Variants in NPHP4 observed in about 807,000 individuals in gnomAD.
NPHP4 encodes the protein nephrocystin-4.
In NPHP4, 151 loss-of-function variants were observed where a neutral mutation model predicts 155.8. That is an observed-to-expected ratio of 0.97 (90% confidence interval 0.85 to 1.11). The LOEUF (loss-of-function observed/expected upper bound fraction) is 1.11, where lower values mean the gene tolerates loss of function less well. NPHP4 is among the 50% of genes least tolerant of loss of function. The pLI is 0.00. For synonymous variants in NPHP4, 845 were observed against 816.8 expected, an observed-to-expected ratio of 1.03 and a Z score of -0.59; for missense variants, 1,956 against 1,925.7, an observed-to-expected ratio of 1.02 and a Z score of -0.29.
In NPHP4 at chr1:5,880,256, C is replaced by T; in HGVS notation, c.2486-17G>A. On this transcript the variant is annotated splice_polypyrimidine_tract_variant and intron_variant, in intron 18 of 29. Coordinates refer to ENST00000378156, the MANE Select transcript of NPHP4 (RefSeq NM_015102.5). ...ACGGGTGACCTACATGAAAAACATC[C>T]CAACATAAGACATGAACCCCAAATG... 4.3e-6 allele frequency: 7 copies of T among 1,612,604 alleles called. No homozygotes were observed. The highest frequency in any genetic ancestry group is 5.1e-6 in the Non-Finnish European group (6 of 1,179,156).
Position 5,863,425 on chromosome 1 carries a change from T to C in NPHP4, c.4141-20A>G. On this transcript the variant is annotated intron_variant, in intron 29 of 29. Coordinates refer to ENST00000378156, the MANE Select transcript of NPHP4 (RefSeq NM_015102.5). ...CCCGACCTGGAAATAAGCATCCAAA[T>C]CCCAGCATCCACCCCCGGGCTGTCC... 6.2e-7 allele frequency: 1 copy of C among 1,611,066 alleles called. No homozygotes were observed. The highest frequency in any genetic ancestry group is 8.5e-7 in the Non-Finnish European group (1 of 1,177,408).
intron 22 of NPHP4, chr1:5,873,653 A>G: frequency 6.6e-6 from 3 of 451,656 alleles, no homozygotes; most frequent in Non-Finnish European, 1.2e-5. Context: ...GGACATCTCA[A>G]GTCCACCTTA....
intron 2 of NPHP4, among the ~76,000 whole-genome samples, chr1:5,983,073 G>A (rs1450019783): frequency 1.3e-5 from 2 of 152,200 alleles, no homozygotes; most frequent in Non-Finnish European, 2.9e-5. Context: ...TTTCTTGGGA[G>A]TAGCGTTAAG....
At chr1:5,868,776 C>T (rs1641578709) in intron 23 of NPHP4, among the ~76,000 whole-genome samples, 1 of 135,630 alleles carries the variant, frequency 7.4e-6, no homozygotes, top group South Asian at 2.3e-4. Flanking sequence ...CACCCACATG[C>T]ACACACGCAC....
intron 3 of NPHP4, among the ~76,000 whole-genome samples, chr1:5,972,105 C>T (rs376209995): frequency 6.6e-6 from 1 of 152,360 alleles, no homozygotes; most frequent in East Asian, 1.9e-4. Flanking sequence ...CCCCATGGCA[C>T]GGCCACATGA....
At chr1:5,864,602 C>T (rs1219297967) in intron 27 of NPHP4, 85 bp from the exon 28 acceptor site, 2 of 1,290,734 alleles carry the variant, frequency 1.5e-6, no homozygotes, top group Non-Finnish European at 2.1e-6. Context: ...GCCCAATCAG[C>T]CAGGGGAGCC....
At chr1:5,939,823 G>A (rs1234121535) in intron 9 of NPHP4, among the ~76,000 whole-genome samples, 1 of 152,214 alleles carries the variant, frequency 6.6e-6, no homozygotes, top group Admixed American at 6.5e-5. Context: ...TTGGATTTAA[G>A]GAACTTGGGA....
intron 16 of NPHP4, among the ~76,000 whole-genome samples, chr1:5,902,506 A>C (rs1414520098): frequency 6.6e-6 from 1 of 152,176 alleles, no homozygotes; most frequent in Non-Finnish European, 1.5e-5. Flanking sequence ...AAGAAACAAG[A>C]AGCATGCCCT....
intron 10 of NPHP4, among the ~76,000 whole-genome samples, chr1:5,928,274 G>A (rs1465929837): frequency 2.6e-5 from 4 of 152,162 alleles, no homozygotes; most frequent in Admixed American, 6.5e-5. Flanking sequence ...TCGTCTTTTT[G>A]AGAATGTCAA....
intron 9 of NPHP4, among the ~76,000 whole-genome samples, chr1:5,946,414 C>T (rs1457761649): frequency 6.6e-6 from 1 of 152,186 alleles, no homozygotes; most frequent in Non-Finnish European, 1.5e-5. Context: ...CTTTACCACA[C>T]TACTGTCATA....
At chr1:5,964,935 A>AAATTTTTTT (rs1651129893) in intron 5 of NPHP4, among the ~76,000 whole-genome samples, 1 of 31,970 alleles carries the variant, frequency 3.1e-5, no homozygotes, top group Non-Finnish European at 5.3e-5. Flanking sequence ...ATATATATAT[A>AAATTTTTTT]TATATATTTT....
rs1373859617 is a variant in NPHP4 at position 5,894,378 on chromosome 1, A to G, written c.2144-3350T>C. 6.6e-5 allele frequency among the ~76,000 whole-genome samples: 10 copies of G among 151,864 alleles called. 1 individual carries two copies. The highest frequency in any genetic ancestry group is 5.2e-4 in the Admixed American group (8 of 15,240). On this transcript the variant is annotated intron_variant, in intron 16 of 29. Coordinates refer to ENST00000378156, the MANE Select transcript of NPHP4 (RefSeq NM_015102.5). ...CTGAGGCCCATCACTTGAACCCAGG[A>G]GGTGCAGGTTGAAGTAAGCTGAGAT...
At chr1:5,891,120 TA>T in intron 16 of NPHP4, 92 bp from the exon 17 acceptor site, 1 of 860,910 alleles carries the variant, frequency 1.2e-6, no homozygotes, top group South Asian at 3.2e-5. Flanking sequence ...TCATGATTAC[TA>T]ATTTCTGCTT....
rs2100856898 is a variant in NPHP4 at position 5,887,434 on chromosome 1, C to T, written c.2337G>A (p.Gln779=). 1.2e-6 allele frequency: 2 copies of T among 1,613,334 alleles called. No individual in the cohort carries two copies. Among genetic ancestry groups the T allele is most frequent in the East Asian group, 4.5e-5 (2 of 44,878 alleles). Reference sequence around the variant, plus strand: ...CCACGACCTCAAGCTCGTGGGAGGCCTGCACAGCCGGCCGGCCTTGGCGGA... The same window carrying T: ...CCACGACCTCAAGCTCGTGGGAGGCTTGCACAGCCGGCCGGCCTTGGCGGA... The part of the protein sequence containing the change: ...HLLRQGRPAV[Q]ASHELEVVAT... The change falls in exon 18 of 30, where the codon CAG becomes CAA. Residue 779 remains glutamine (Q), a synonymous_variant. Transcript: ENST00000378156.
At chr1:5,974,890 G>A (rs1028058827) in intron 3 of NPHP4, among the ~76,000 whole-genome samples, 3 of 152,060 alleles carry the variant, frequency 2.0e-5, no homozygotes, top group Admixed American at 1.3e-4. Context: ...CTCCAAATGC[G>A]GTCCCCTGCT....
rs779966059 is a variant in NPHP4 at position 5,904,604 on chromosome 1, CAT to C, written c.2143+11_2143+12del. On this transcript the variant is annotated intron_variant, in intron 16 of 29. Coordinates refer to ENST00000378156, the MANE Select transcript of NPHP4 (RefSeq NM_015102.5). ...CAGAATGTCTTGCCTTTGCCATGCA[CAT>C]GAGTACTCACCAGCATCAAAGGTGC... The C allele has an allele frequency of 1.3e-6, 2 of 1,589,148 alleles. No homozygotes were observed. Among genetic ancestry groups the C allele is most frequent in the Admixed American group, 1.7e-5 (1 of 59,200 alleles).
intron 3 of NPHP4, among the ~76,000 whole-genome samples, chr1:5,971,963 T>C (rs1359785423): frequency 6.6e-6 from 1 of 152,260 alleles, no homozygotes; most frequent in African/African-American, 2.4e-5. Flanking sequence ...GCTCCTGTCT[T>C]AATGCCTTCA....
intron 18 of NPHP4, among the ~76,000 whole-genome samples, chr1:5,885,791 C>T (rs1643748302): frequency 6.6e-6 from 1 of 152,218 alleles, no homozygotes; most frequent in Non-Finnish European, 1.5e-5. Context: ...ACAGAATAGC[C>T]AGTTTTATGA....
In NPHP4 at chr1:5,911,017, C is replaced by T. The variant is rs550093476; in HGVS notation, c.1442-1804G>A. Among the ~76,000 whole-genome samples the T allele has an allele frequency of 3.2e-4, 48 of 152,354 alleles. No homozygotes were observed. In the South Asian group the frequency reaches 4.3e-3, roughly 14 times the overall value. On this transcript the variant is annotated intron_variant, in intron 11 of 29. Transcript: ENST00000378156. ...GCTCCTCTGTAACCAGCCACAGTAA[C>T]GTGGCTCCAAGGAGCACAAAGACTC...
Sources: gnomAD v4.1 joint callset for allele counts (sites outside exome capture counted in the v4.1 genomes callset) on GRCh38, gnomAD v4.1.1 for gene constraint, MANE v1.5 for transcripts, NCBI Gene and HGNC (gene_info 2026-07-23, HGNC 2026-07-21) for gene names.